Variants in PSMD1 observed in about 807,000 individuals in gnomAD.
The protein encoded by PSMD1 is proteasome 26S subunit, non-ATPase 1, also known as 26S proteasome non-ATPase regulatory subunit 1.
Under a neutral mutation model 119.0 loss-of-function variants are expected in PSMD1, and 18 were observed. That is an observed-to-expected ratio of 0.15 (90% CI 0.10 to 0.22). PSMD1 has a LOEUF of 0.22. PSMD1 is among the 10% of genes least tolerant of loss of function. The pLI is 1.00. For missense variants in PSMD1, 702 were observed against 1,158.5 expected, an observed-to-expected ratio of 0.61 and a Z score of 5.72; for synonymous variants, 374 against 396.6, an observed-to-expected ratio of 0.94 and a Z score of 0.68.
intron 16 of PSMD1, among the ~76,000 whole-genome samples, chr2:231,094,114 C>T (rs1203276606): frequency 6.6e-6 from 1 of 151,956 alleles, no homozygotes; most frequent in Non-Finnish European, 1.5e-5. Context: ...GGTTCTAGTC[C>T]TCTAGGGTTA....
At chr2:231,157,522 TC>T (rs1696538265) in intron 19 of PSMD1, among the ~76,000 whole-genome samples, 1 of 151,826 alleles carries the variant, frequency 6.6e-6, no homozygotes, top group South Asian at 2.1e-4. Flanking sequence ...GGTGCTTCTT[TC>T]TGTTTCTCTT....
rs188488852 is a variant in PSMD1, at chr2:231,169,030, G to A, written c.2716-1536G>A. On this transcript the variant is annotated intron_variant, in intron 23 of 24. Transcript: ENST00000308696. Reference sequence around the variant, plus strand: ...TAGCCTCCCCAGAGAACAGAAAATCGTATATCTTATGCATAGAGGGTGTGA... The same window carrying A: ...TAGCCTCCCCAGAGAACAGAAAATCATATATCTTATGCATAGAGGGTGTGA... Among the ~76,000 whole-genome samples, 18 of 152,268 alleles carry A rather than the reference G, an allele frequency of 1.2e-4. No homozygotes were observed. The East Asian group carries it at 2.7e-3, about 23-fold the overall frequency.
chr2:231,122,862 A>G (rs926802097), intron 16 of PSMD1, among the ~76,000 whole-genome samples: 1 of 152,128 alleles, frequency 6.6e-6, no homozygotes, highest in African/African-American at 2.4e-5. Context: ...AACTAAACAT[A>G]ATTTTTCTTA....
intron 16 of PSMD1, among the ~76,000 whole-genome samples, chr2:231,131,781 A>T (rs1279517586): frequency 2.2e-5 from 1 of 45,992 alleles, no homozygotes; most frequent in Non-Finnish European, 3.3e-5. Flanking sequence ...AAAAAAAAAA[A>T]AAAAAAGAAA....
chr2:231,087,054 C>T (rs41265101), intron 15 of PSMD1, 63 bp from the exon 16 acceptor site: 1 of 1,367,196 alleles, frequency 7.3e-7, no homozygotes, highest in East Asian at 2.3e-5. Flanking sequence ...GCTGACCTCT[C>T]ATGTCAGTTT....
Position 231,075,872 on chromosome 2 carries a change from C to T in PSMD1, c.942+301C>T, listed in dbSNP as rs563617566. On this transcript the variant is annotated intron_variant, in intron 8 of 24. Transcript: ENST00000308696. The stretch of plus-strand genomic sequence containing the variant: ...TGCTGGGATTACAGGCATGAGCCAC[C>T]GAGCCAAGCCACCATGCCCAGCGAG... Among the ~76,000 whole-genome samples, 66 of 152,118 alleles carry T rather than the reference C, an allele frequency of 4.3e-4. 1 individual carries two copies. Among genetic ancestry groups the T allele is most frequent in the African/African-American group, 1.5e-3 (64 of 41,492 alleles).
chr2:231,099,780 C>T (rs557100337), intron 16 of PSMD1, among the ~76,000 whole-genome samples: 4 of 152,234 alleles, frequency 2.6e-5, no homozygotes, highest in Admixed American at 1.3e-4. Context: ...TTCAATCCCC[C>T]GAAATGGGGA....
At position 231,080,236 on chromosome 2, in the gene PSMD1, A is replaced by G; in HGVS notation, c.1335A>G (p.Ala445=). The change falls in exon 12 of 25, where the codon GCA becomes GCG. Residue 445 remains alanine (A), a synonymous_variant. Coordinates refer to ENST00000308696, the MANE Select transcript of PSMD1 (RefSeq NM_002807.4). ...SAYQEGGGLY[A]LGLIHANHGG... ...ATCAGGAAGGTGGAGGTCTCTATGC[A>G]CTAGGTCTTATTCATGCCAATCATG... The G allele has an allele frequency of 6.2e-7, 1 of 1,613,168 alleles. No homozygotes were observed. Among genetic ancestry groups the G allele is most frequent in the Non-Finnish European group, 8.5e-7 (1 of 1,179,118 alleles).
intron 7 of PSMD1, among the ~76,000 whole-genome samples, chr2:231,073,267 T>A (rs1388542378): frequency 2.6e-5 from 4 of 152,138 alleles, no homozygotes; most frequent in Admixed American, 6.5e-5. Flanking sequence ...ATAACGATAA[T>A]TAAAAAGTTT....
intron 22 of PSMD1, among the ~76,000 whole-genome samples, chr2:231,165,599 A>G (rs1696760031): frequency 6.6e-6 from 1 of 152,186 alleles, no homozygotes; most frequent in Non-Finnish European, 1.5e-5. Flanking sequence ...CTTTCAAGCA[A>G]AGGGATTATC....
chr2:231,120,818 T>C (rs1198476930), intron 16 of PSMD1, among the ~76,000 whole-genome samples: 1 of 152,244 alleles, frequency 6.6e-6, no homozygotes, highest in Admixed American at 6.5e-5. Flanking sequence ...AACGCTTGTT[T>C]GTACAAACGT....
chr2:231,087,214 T>A, intron 16 of PSMD1, 33 bp downstream of exon 16: 3 of 1,583,546 alleles, frequency 1.9e-6, no homozygotes, highest in Non-Finnish European at 2.6e-6. Flanking sequence ...TCTATTTATA[T>A]TTCATTTTTT....
chr2:231,148,959 A>T (rs1028189061), intron 18 of PSMD1, among the ~76,000 whole-genome samples: 1 of 152,244 alleles, frequency 6.6e-6, no homozygotes, highest in Non-Finnish European at 1.5e-5. Flanking sequence ...CCATGAAATA[A>T]AGTGGAAATG....
chr2:231,141,561 C>A (rs543711566), intron 17 of PSMD1, among the ~76,000 whole-genome samples: 1 of 151,254 alleles, frequency 6.6e-6, no homozygotes, highest in Admixed American at 6.6e-5. Flanking sequence ...GGACTGCAAA[C>A]GCATACCACC....
At position 231,145,879 on chromosome 2, in the gene PSMD1, G is replaced by A. The variant is rs575918592; in HGVS notation, c.1999-361G>A. Among the ~76,000 whole-genome samples the A allele has an allele frequency of 6.4e-3, 671 of 104,262 alleles. 6 individuals carry two copies. Among genetic ancestry groups the A allele is most frequent in the African/African-American group, 0.024 (613 of 25,912 alleles). 68.4% of individuals were successfully genotyped at this position (104,262 alleles called of 152,430 possible). A position where few individuals can be genotyped will look rare whatever the true frequency, so the allele number is the denominator to read the frequency against. The stretch of plus-strand genomic sequence containing the variant: ...TTGCACTCCAGTCTGGGTGACAAGA[G>A]TTGAAGCTACATCTCAAAAAAAAAA... On this transcript the variant is annotated intron_variant, in intron 17 of 24. Coordinates refer to ENST00000308696, the MANE Select transcript of PSMD1 (RefSeq NM_002807.4).
At chr2:231,064,709 G>A (rs1367394659) in intron 4 of PSMD1, among the ~76,000 whole-genome samples, 4 of 152,170 alleles carry the variant, frequency 2.6e-5, no homozygotes, top group African/African-American at 9.6e-5. Context: ...TCTGTTGCCC[G>A]GGCTGGAGTG....
intron 16 of PSMD1, among the ~76,000 whole-genome samples, chr2:231,107,356 C>T (rs1331695210): frequency 6.6e-6 from 1 of 152,062 alleles, no homozygotes; most frequent in African/African-American, 2.4e-5. Flanking sequence ...AGTCATAGGT[C>T]GAGGGACAAA....
intron 16 of PSMD1, among the ~76,000 whole-genome samples, chr2:231,107,281 C>T (rs920087316): frequency 1.3e-5 from 2 of 152,120 alleles, no homozygotes; most frequent in South Asian, 2.1e-4. Context: ...TGAGATTCTC[C>T]GTAGCCAATA....
intron 16 of PSMD1, among the ~76,000 whole-genome samples, chr2:231,089,995 A>C (rs1694548688): frequency 6.6e-6 from 1 of 152,194 alleles, no homozygotes; most frequent in Non-Finnish European, 1.5e-5. Context: ...TAACCATCAC[A>C]CAGCACATCT....
Sources: allele counts gnomAD v4.1 joint callset (sites outside exome capture counted in the v4.1 genomes callset), GRCh38; gene constraint gnomAD v4.1.1; transcripts MANE v1.5; gene names NCBI Gene and HGNC (gene_info 2026-07-23, HGNC 2026-07-21).